The following ASB13 variants were observed in gnomAD, a reference collection of about 807,000 sequenced individuals.
ASB13 encodes ankyrin repeat and SOCS box protein 13.
A neutral mutation model predicts 28.8 loss-of-function variants in ASB13; 33 were observed. The ratio of observed to expected loss-of-function variants is 1.15; its 90% confidence interval spans 0.87 to 1.53. The LOEUF (loss-of-function observed/expected upper bound fraction) is 1.53, where lower values mean the gene tolerates loss of function less well. Among genes scored for constraint, ASB13 ranks in the 40% most tolerant of loss-of-function variants. The pLI is 0.00. For synonymous variants in ASB13, 182 were observed against 172.9 expected (o/e 1.05, Z -0.41); for missense variants, 414 against 390.1 (o/e 1.06, Z -0.52).
At position 5,660,307 on chromosome 10, in the gene ASB13, G is replaced by A. The variant is rs542777495; in HGVS notation, c.43+6202C>T. Reference sequence around the variant, plus strand: ...ATACGACCTTACTGGCTAGGACCGTGTGCCAGGTGTGGACCTTTCTGGACC... The same window carrying A: ...ATACGACCTTACTGGCTAGGACCGTATGCCAGGTGTGGACCTTTCTGGACC... On this transcript the variant is annotated intron_variant, in intron 1 of 5. Transcript: ENST00000357700. The surrounding 1 kb of genome is among the most constrained non-coding windows in gnomAD (Gnocchi z 6.1). Among the ~76,000 whole-genome samples the A allele has an allele frequency of 6.6e-6, 1 of 152,320 alleles. No homozygotes were observed. The highest frequency in any genetic ancestry group is 2.4e-5 in the African/African-American group (1 of 41,564).
At position 5,651,717 on chromosome 10, in the gene ASB13, C is replaced by G. The variant is rs1203114838; in HGVS notation, c.232-354G>C. 2.6e-5 allele frequency: 5 copies of G among 190,822 alleles called. No homozygotes were observed. Among genetic ancestry groups the G allele is most frequent in the Non-Finnish European group, 4.3e-5 (4 of 93,074 alleles). 11.8% of individuals were successfully genotyped at this position (190,822 alleles called of 1,614,324 possible). On this transcript the variant is annotated intron_variant, in intron 2 of 5. Transcript: ENST00000357700. The surrounding 1 kb of genome is among the most constrained non-coding windows in gnomAD (Gnocchi z 5.1). ...TAAAAATGAGTTTTAAAAACCCTAA[C>G]CTCAGCTGGGCACAGTGGCTCACAC... is the stretch of plus-strand genomic sequence containing the variant.
intron 1 of ASB13, among the ~76,000 whole-genome samples, chr10:5,654,116 C>T (rs1432146332): frequency 6.7e-6 from 1 of 148,724 alleles, no homozygotes; most frequent in Non-Finnish European, 1.5e-5. Flanking sequence ...CCTTTAAGGA[C>T]GATGTTAACT....
rs899380693 is a variant in ASB13 at position 5,642,819 on chromosome 10, AT to A, written c.518-859del. ...GCCACCATGCCCGGCTAATTTTTCT[AT>A]TTTTTGTAGAGACGGGGTTTTGCCG... is the stretch of plus-strand genomic sequence containing the variant. On this transcript the variant is annotated intron_variant, in intron 4 of 5. Coordinates refer to ENST00000357700, the MANE Select transcript of ASB13 (RefSeq NM_024701.4). This position sits in a 1 kb window ranked among gnomAD's most constrained non-coding sequence, Gnocchi z 4.1. Among the ~76,000 whole-genome samples, 4 of 151,886 alleles carry A rather than the reference AT, an allele frequency of 2.6e-5. No homozygotes were observed. The highest frequency in any genetic ancestry group is 5.9e-5 in the Non-Finnish European group (4 of 67,970).
intron 1 of ASB13, among the ~76,000 whole-genome samples, chr10:5,653,595 A>G (rs1013717587): frequency 1.3e-5 from 2 of 152,242 alleles, no homozygotes; most frequent in African/African-American, 4.8e-5. Context: ...GCTTGTCTAT[A>G]TACAAGGTCA....
At position 5,661,919 on chromosome 10, in the gene ASB13, G is replaced by A. The variant is rs1370459148; in HGVS notation, c.43+4590C>T. On this transcript the variant is annotated intron_variant, in intron 1 of 5. Coordinates refer to ENST00000357700, the MANE Select transcript of ASB13 (RefSeq NM_024701.4). The surrounding 1 kb of genome is among the most constrained non-coding windows in gnomAD (Gnocchi z 4.9). Reference sequence around the variant, plus strand: ...GCGTCAAAAACAACCAGCAGCCTCTGTAAGAAGCCCTCCCTGCAAAACCCC... The same window carrying A: ...GCGTCAAAAACAACCAGCAGCCTCTATAAGAAGCCCTCCCTGCAAAACCCC... Among the ~76,000 whole-genome samples, 1 of 152,188 alleles carries A rather than the reference G, an allele frequency of 6.6e-6. No homozygotes were observed. Among genetic ancestry groups the A allele is most frequent in the Non-Finnish European group, 1.5e-5 (1 of 68,038 alleles).
At chr10:5,653,293 C>T (rs1452421777) in intron 1 of ASB13, among the ~76,000 whole-genome samples, 3 of 152,222 alleles carry the variant, frequency 2.0e-5, no homozygotes, top group Admixed American at 1.3e-4. Flanking sequence ...AGTCCACCTC[C>T]CACCCCTGCC....
Position 5,664,000 on chromosome 10 carries a change from A to T in ASB13, c.43+2509T>A, listed in dbSNP as rs186493674. Among the ~76,000 whole-genome samples the T allele has an allele frequency of 1.3e-5, 2 of 152,278 alleles. No homozygotes were observed. The highest frequency in any genetic ancestry group is 3.9e-4 in the East Asian group (2 of 5,172). ...ACTGAGAGTACCTGGATGGGGAGAC[A>T]TAAATCCATATAAACAAGTAGAAAA... is the stretch of plus-strand genomic sequence containing the variant. On this transcript the variant is annotated intron_variant, in intron 1 of 5. Coordinates refer to ENST00000357700, the MANE Select transcript of ASB13 (RefSeq NM_024701.4). The surrounding 1 kb of genome is among the most constrained non-coding windows in gnomAD (Gnocchi z 4.9).
intron 4 of ASB13, among the ~76,000 whole-genome samples, chr10:5,646,225 G>A (rs1340812770): frequency 6.6e-6 from 1 of 152,222 alleles, no homozygotes; most frequent in Non-Finnish European, 1.5e-5. Context: ...CCCCGACTGT[G>A]CTGCCACCTG....
chr10:5,654,687 G>A (rs1480617285), intron 1 of ASB13, among the ~76,000 whole-genome samples: 2 of 152,100 alleles, frequency 1.3e-5, no homozygotes, highest in Non-Finnish European at 2.9e-5. Context: ...CTCCATCTTC[G>A]AGCAGACAAG....
At position 5,659,326 on chromosome 10, in the gene ASB13, C is replaced by T. The variant is rs1027326532; in HGVS notation, c.44-6276G>A. On this transcript the variant is annotated intron_variant, in intron 1 of 5. Coordinates refer to ENST00000357700, the MANE Select transcript of ASB13 (RefSeq NM_024701.4). This position sits in a 1 kb window ranked among gnomAD's most constrained non-coding sequence, Gnocchi z 5.8. ...TGCCACATAATAGGTTGCCCCCTCCCTAATGCAGATGATTGACAAGCCAGT... is the reference window on the plus strand; with the variant it reads ...TGCCACATAATAGGTTGCCCCCTCCTTAATGCAGATGATTGACAAGCCAGT... Among the ~76,000 whole-genome samples, 2 of 152,206 alleles carry T rather than the reference C, an allele frequency of 1.3e-5. No individual in the cohort carries two copies. The highest frequency in any genetic ancestry group is 4.8e-5 in the African/African-American group (2 of 41,452).
rs1398187184 is a variant in ASB13, at chr10:5,644,346, A to C, written c.518-2385T>G. Among the ~76,000 whole-genome samples the C allele has an allele frequency of 1.3e-5, 2 of 152,094 alleles. No homozygotes were observed. The highest frequency in any genetic ancestry group is 2.9e-5 in the Non-Finnish European group (2 of 68,022). ...CTAGCTCTACAAAAATTTAAAAATT[A>C]CCCGGGGGGCGTGATGGCACACATC... On this transcript the variant is annotated intron_variant, in intron 4 of 5. Transcript: ENST00000357700. This position sits in a 1 kb window ranked among gnomAD's most constrained non-coding sequence, Gnocchi z 5.1.
rs893836563 is a variant in ASB13 at position 5,659,144 on chromosome 10, C to T, written c.44-6094G>A. Among the ~76,000 whole-genome samples the T allele has an allele frequency of 2.6e-5, 4 of 152,168 alleles. No homozygotes were observed. The highest frequency in any genetic ancestry group is 2.6e-4 in the Admixed American group (4 of 15,284). On this transcript the variant is annotated intron_variant, in intron 1 of 5. Transcript: ENST00000357700. This position sits in a 1 kb window ranked among gnomAD's most constrained non-coding sequence, Gnocchi z 5.8. ...GGATGGATTGCAGGCTGCTTCCAGC[C>T]CCTGTGCCAGGCTCCCTGTGGTGGC...
rs1350350345 is a variant in ASB13, at chr10:5,641,689, G to A, written c.709+81C>T. On this transcript the variant is annotated intron_variant, in intron 5 of 5. Coordinates refer to ENST00000357700, the MANE Select transcript of ASB13 (RefSeq NM_024701.4). This position sits in a 1 kb window ranked among gnomAD's most constrained non-coding sequence, Gnocchi z 8.4. ...CAGGACTAACAGCCCAGCTCTCCGC[G>A]GAAGCCCACAGGGAGCCGGCACGTC... 3.6e-5 allele frequency: 51 copies of A among 1,431,758 alleles called. No individual in the cohort carries two copies. The Admixed American group carries it at 7.0e-4, about 20-fold the overall frequency. The allele number at this position is 1,431,758 out of a possible 1,614,324, so 88.7% of individuals were successfully genotyped here.
chr10:5,666,460 G>A, intron 1 of ASB13, 49 bp downstream of exon 1: 1 of 1,273,026 alleles, frequency 7.9e-7, no homozygotes, highest in Non-Finnish European at 9.9e-7. Context: ...GCCGGCCTCA[G>A]GAGCCGGCGC....
rs1335798266 is a variant in ASB13 at position 5,658,899 on chromosome 10, C to T, written c.44-5849G>A. Among the ~76,000 whole-genome samples, 1 of 152,110 alleles carries T rather than the reference C, an allele frequency of 6.6e-6. No individual in the cohort carries two copies. Among genetic ancestry groups the T allele is most frequent in the Admixed American group, 6.6e-5 (1 of 15,264 alleles). On this transcript the variant is annotated intron_variant, in intron 1 of 5. Transcript: ENST00000357700. The surrounding 1 kb of genome is among the most constrained non-coding windows in gnomAD (Gnocchi z 4.2). ...CACCTCGTCACCTTTCCTGACACCCCCAAACCACCGATGGCCCTTCCAGGG... is the reference window on the plus strand; with the variant it reads ...CACCTCGTCACCTTTCCTGACACCCTCAAACCACCGATGGCCCTTCCAGGG...
In ASB13 at chr10:5,660,298, T is replaced by A. The variant is rs1317959316; in HGVS notation, c.43+6211A>T. Among the ~76,000 whole-genome samples the A allele has an allele frequency of 6.6e-6, 1 of 152,212 alleles. No individual in the cohort carries two copies. The highest frequency in any genetic ancestry group is 2.4e-5 in the African/African-American group (1 of 41,458). ...CCACCCACGATACGACCTTACTGGC[T>A]AGGACCGTGTGCCAGGTGTGGACCT... On this transcript the variant is annotated intron_variant, in intron 1 of 5. Transcript: ENST00000357700. This position sits in a 1 kb window ranked among gnomAD's most constrained non-coding sequence, Gnocchi z 6.1.
Position 5,642,617 on chromosome 10 carries a change from T to C in ASB13, c.518-656A>G. 1.3e-6 allele frequency: 1 copy of C among 781,104 alleles called. No individual in the cohort carries two copies. The highest frequency in any genetic ancestry group is 6.7e-5 in the East Asian group (1 of 14,914). The allele number at this position is 781,104 out of a possible 1,614,324, so 48.4% of individuals were successfully genotyped here. A position where few individuals can be genotyped will look rare whatever the true frequency, so the allele number is the denominator to read the frequency against. ...AAAAAAGAGCAGACATTCAGAAAGA[T>C]GCAAGGAATTAGTAGCTAAATATGG... On this transcript the variant is annotated intron_variant, in intron 4 of 5. Transcript: ENST00000357700. This position sits in a 1 kb window ranked among gnomAD's most constrained non-coding sequence, Gnocchi z 4.1.
intron 4 of ASB13, among the ~76,000 whole-genome samples, chr10:5,643,827 A>G (rs1263903855): frequency 6.6e-6 from 1 of 152,208 alleles, no homozygotes; most frequent in Non-Finnish European, 1.5e-5. Flanking sequence ...TATTTTAACA[A>G]AAGAAGAAAA....
In ASB13 at chr10:5,641,559, TG is replaced by T. The variant is rs1348439744; in HGVS notation, c.709+210del. Among the ~76,000 whole-genome samples, 2 of 152,186 alleles carry T rather than the reference TG, an allele frequency of 1.3e-5. No individual in the cohort carries two copies. The highest frequency in any genetic ancestry group is 2.9e-5 in the Non-Finnish European group (2 of 68,022). ...GGCAGGTGTCGGCCACAGCTTCTGCTGCTCCACGCCACGGGCCACAGGGAAC... is the reference window on the plus strand; with the variant it reads ...GGCAGGTGTCGGCCACAGCTTCTGCTCTCCACGCCACGGGCCACAGGGAAC... On this transcript the variant is annotated intron_variant, in intron 5 of 5. Transcript: ENST00000357700. The surrounding 1 kb of genome is among the most constrained non-coding windows in gnomAD (Gnocchi z 8.4).
Sources: allele counts gnomAD v4.1 joint callset (sites outside exome capture counted in the v4.1 genomes callset), GRCh38; gene constraint gnomAD v4.1.1; non-coding constraint Gnocchi (gnomAD v3.1); transcripts MANE v1.5; gene names NCBI Gene and HGNC (gene_info 2026-07-23, HGNC 2026-07-21).